TNNI3K: variants seen among roughly 807,000 people sequenced by gnomAD.
The protein encoded by TNNI3K is serine/threonine-protein kinase TNNI3K.
Under a neutral mutation model 114.5 loss-of-function variants are expected in TNNI3K, and 140 were observed. That is an observed-to-expected ratio of 1.22 (90% CI 1.07 to 1.41). The LOEUF (loss-of-function observed/expected upper bound fraction) is 1.41. Among genes scored for constraint, TNNI3K ranks in the 40% most tolerant of loss-of-function variants. The pLI, the probability that TNNI3K is intolerant of heterozygous loss-of-function variation, is 0.00. For synonymous variants in TNNI3K, 347 were observed against 347.5 expected (o/e 1.00, Z 0.02); for missense variants, 1,125 against 1,007.6 (o/e 1.12, Z -1.58).
At chr1:74,365,805 C>T (rs1267148007) in intron 11 of TNNI3K, among the ~76,000 whole-genome samples, 1 of 152,026 alleles carries the variant, frequency 6.6e-6, no homozygotes, top group African/African-American at 2.4e-5. Context: ...CACGTTATTT[C>T]ATTATAACTT....
intron 5 of TNNI3K, among the ~76,000 whole-genome samples, chr1:74,295,842 G>C (rs995723952): frequency 6.6e-6 from 1 of 152,034 alleles, no homozygotes; most frequent in Non-Finnish European, 1.5e-5. Flanking sequence ...GGATATATTT[G>C]AATTCAAGTA....
rs555455578 is a variant in TNNI3K at position 74,453,270 on chromosome 1, A to G, written c.2012-10171A>G. 2.0e-4 allele frequency among the ~76,000 whole-genome samples: 30 copies of G among 152,326 alleles called. No individual in the cohort carries two copies. The South Asian group carries it at 6.0e-3, about 30-fold the overall frequency. ...TCCAATATCCCAGATATTAAAATGT[A>G]TAGTACTTTATTGGAAAGAGATTTT... On this transcript the variant is annotated intron_variant, in intron 20 of 24. Transcript: ENST00000326637.
At chr1:74,464,831 C>T (rs1395462577) in intron 21 of TNNI3K, 44 of 1,444,940 alleles carry the variant, frequency 3.0e-5, no homozygotes, top group Admixed American at 1.0e-4. Context: ...TCCATGAAAG[C>T]GGTCCTTTTT....
At chr1:74,385,697 A>T (rs1318252376) in intron 17 of TNNI3K, among the ~76,000 whole-genome samples, 1 of 152,210 alleles carries the variant, frequency 6.6e-6, no homozygotes, top group Non-Finnish European at 1.5e-5. Flanking sequence ...TGCAAAGGTT[A>T]AGAGTTCAGT....
At chr1:74,412,865 C>T (rs193116674) in intron 17 of TNNI3K, among the ~76,000 whole-genome samples, 4 of 152,300 alleles carry the variant, frequency 2.6e-5, no homozygotes, top group East Asian at 3.9e-4. Context: ...CTGTTTGCCT[C>T]GGCCTCCCAA....
At chr1:74,336,366 A>G (rs1417824552) in intron 7 of TNNI3K, among the ~76,000 whole-genome samples, 3 of 152,130 alleles carry the variant, frequency 2.0e-5, no homozygotes, top group African/African-American at 7.2e-5. Context: ...ATTTTTAATT[A>G]TACTTTAAGT....
At chr1:74,317,966 A>G (rs1406300192) in intron 5 of TNNI3K, among the ~76,000 whole-genome samples, 1 of 152,114 alleles carries the variant, frequency 6.6e-6, no homozygotes, top group Non-Finnish European at 1.5e-5. Context: ...TATTTTATGA[A>G]CTATAGCCAC....
At chr1:74,445,051 T>A (rs924753931) in intron 20 of TNNI3K, among the ~76,000 whole-genome samples, 1 of 152,072 alleles carries the variant, frequency 6.6e-6, no homozygotes, top group East Asian at 1.9e-4. Context: ...GATTAAAGAC[T>A]TAAATGTAAA....
chr1:74,335,950 C>T, intron 6 of TNNI3K, 61 bp from the exon 7 acceptor site: 14 of 1,500,298 alleles, frequency 9.3e-6, no homozygotes, highest in Non-Finnish European at 1.1e-5. Flanking sequence ...TTGTATACTG[C>T]CAAAAGTTTT....
chr1:74,484,531 G>T (rs1043263889), intron 21 of TNNI3K, among the ~76,000 whole-genome samples: 1 of 152,124 alleles, frequency 6.6e-6, no homozygotes, highest in African/African-American at 2.4e-5. Context: ...GGAGAAGATC[G>T]CATTGACTCG....
chr1:74,243,716 A>G (rs1269359520), intron 2 of TNNI3K, among the ~76,000 whole-genome samples: 1 of 152,200 alleles, frequency 6.6e-6, no homozygotes, highest in Non-Finnish European at 1.5e-5. Context: ...TTATGCTACA[A>G]GAAAGAAAGT....
intron 21 of TNNI3K, among the ~76,000 whole-genome samples, chr1:74,474,441 T>A (rs763381488): frequency 4.6e-5 from 7 of 152,144 alleles, no homozygotes; most frequent in Non-Finnish European, 1.0e-4. Flanking sequence ...ACATATGGTT[T>A]TATTCTTATC....
chr1:74,497,673 G>T (rs918705705), intron 23 of TNNI3K, among the ~76,000 whole-genome samples: 2 of 151,826 alleles, frequency 1.3e-5, no homozygotes. Flanking sequence ...TGACCTCTCT[G>T]CTTCCTAGCG....
chr1:74,289,483 A>ATT, intron 5 of TNNI3K, among the ~76,000 whole-genome samples: 1 of 5,094 alleles, frequency 2.0e-4, no homozygotes, highest in African/African-American at 3.3e-4. Flanking sequence ...ACCCATAGGT[A>ATT]GTGTCATTAG....
At chr1:74,406,095 A>G (rs189336170) in intron 17 of TNNI3K, among the ~76,000 whole-genome samples, 1 of 152,290 alleles carries the variant, frequency 6.6e-6, no homozygotes, top group Non-Finnish European at 1.5e-5. Context: ...CTCTTGCTGG[A>G]AAGAACCCAC....
chr1:74,339,134 C>A (rs889933679), intron 7 of TNNI3K, among the ~76,000 whole-genome samples: 1 of 152,130 alleles, frequency 6.6e-6, no homozygotes, highest in Non-Finnish European at 1.5e-5. Flanking sequence ...CAGCATGTCT[C>A]TTTCAGTGCA....
intron 17 of TNNI3K, among the ~76,000 whole-genome samples, chr1:74,405,672 TG>T (rs1265549621): frequency 2.0e-5 from 3 of 151,988 alleles, no homozygotes; most frequent in Non-Finnish European, 4.4e-5. Flanking sequence ...GCTAGTTAGA[TG>T]GGGGAAAAAA....
In TNNI3K at chr1:74,249,519, A is replaced by G; in HGVS notation, c.210A>G (p.Leu70=). ...ACCGCACTGAAAATGGGCTGTCTCT[A>G]CTTCATTTATGTTGCATTTGTGGAG... The part of the protein sequence containing the change: ...LNYRTENGLS[L]LHLCCICGGK... The change falls in exon 3 of 25, where the codon CTA becomes CTG. Residue 70 remains leucine, a synonymous_variant. Coordinates refer to ENST00000326637, the MANE Select transcript of TNNI3K (RefSeq NM_015978.3). 1.2e-6 allele frequency: 2 copies of G among 1,613,488 alleles called. No homozygotes were observed. Among genetic ancestry groups the G allele is most frequent in the Non-Finnish European group, 1.7e-6 (2 of 1,179,756 alleles).
intron 6 of TNNI3K, among the ~76,000 whole-genome samples, chr1:74,332,872 C>A (rs1429245648): frequency 6.7e-6 from 1 of 150,234 alleles, no homozygotes; most frequent in Non-Finnish European, 1.5e-5. Flanking sequence ...GATTTTCAAC[C>A]TTAACATATC....
Sources: gnomAD v4.1 joint callset for allele counts (sites outside exome capture counted in the v4.1 genomes callset) on GRCh38, gnomAD v4.1.1 for gene constraint, MANE v1.5 for transcripts, NCBI Gene and HGNC (gene_info 2026-07-23, HGNC 2026-07-21) for gene names.